The following AOAH variants were observed in gnomAD, a reference collection of about 807,000 sequenced individuals.
AOAH encodes acyloxyacyl hydrolase (neutrophil).
Under a neutral mutation model 92.2 loss-of-function variants are expected in AOAH, and 64 were observed. The ratio of observed to expected loss-of-function variants is 0.69; its 90% CI spans 0.57 to 0.86. The LOEUF (loss-of-function observed/expected upper bound fraction) is 0.86. Among genes scored for constraint, AOAH ranks in the 40% least tolerant of loss-of-function variants. AOAH has a pLI of 0.00. For missense variants in AOAH, 656 were observed against 694.6 expected, an observed-to-expected ratio of 0.94 and a Z score of 0.62; for synonymous variants, 263 against 254.5, an observed-to-expected ratio of 1.03 and a Z score of -0.32.
intron 16 of AOAH, among the ~76,000 whole-genome samples, chr7:36,539,858 C>A (rs1457034313): frequency 6.6e-6 from 1 of 152,116 alleles, no homozygotes; most frequent in African/African-American, 2.4e-5. Flanking sequence ...CATTTTAAAG[C>A]CTTTCGGAGC....
intron 6 of AOAH, among the ~76,000 whole-genome samples, chr7:36,626,589 A>G (rs1188971535): frequency 6.6e-6 from 1 of 152,202 alleles, no homozygotes; most frequent in Non-Finnish European, 1.5e-5. Context: ...CTGAACTGAT[A>G]TAGGGCAATT....
intron 13 of AOAH, among the ~76,000 whole-genome samples, chr7:36,564,429 T>C (rs924799383): frequency 2.0e-5 from 3 of 152,094 alleles, no homozygotes; most frequent in African/African-American, 4.8e-5. Context: ...TATTGCAATA[T>C]TGGAGAGAAA....
chr7:36,719,369 G>C (rs905438095), intron 1 of AOAH, among the ~76,000 whole-genome samples: 3 of 152,226 alleles, frequency 2.0e-5, no homozygotes, highest in African/African-American at 7.2e-5. Context: ...CCACGGAGAA[G>C]TGTTGGGGAG....
chr7:36,706,864 T>C lies in AOAH; in HGVS notation c.127+17158A>G, dbSNP rs147987937. Among the ~76,000 whole-genome samples, 81 of 152,262 alleles carry C rather than the reference T, an allele frequency of 5.3e-4. 1 individual carries two copies. The highest frequency in any genetic ancestry group is 1.9e-3 in the African/African-American group (77 of 41,576). On this transcript the variant is annotated intron_variant, in intron 1 of 20. Coordinates refer to ENST00000617537, the MANE Select transcript of AOAH (RefSeq NM_001637.4). ...GCTTCCTCACCTCTCCTAGCCTTCA[T>C]AGAATTGAAGAGAGCTAGGATTAGG... is the stretch of plus-strand genomic sequence containing the variant.
chr7:36,609,631 C>G (rs1316458615), intron 11 of AOAH, among the ~76,000 whole-genome samples: 1 of 150,666 alleles, frequency 6.6e-6, no homozygotes, highest in African/African-American at 2.5e-5. Flanking sequence ...AGCTCTGTTC[C>G]CCTGCTTTGA....
rs547297526 is a variant in AOAH, at chr7:36,554,922, G to A, written c.1022-5447C>T. Among the ~76,000 whole-genome samples, 541 of 144,110 alleles carry A rather than the reference G, an allele frequency of 3.8e-3. 3 individuals carry two copies. The highest frequency in any genetic ancestry group is 0.012 in the African/African-American group (457 of 38,564). 94.5% of individuals were successfully genotyped at this position (144,110 alleles called of 152,430 possible). A position where few individuals can be genotyped will look rare whatever the true frequency, so the allele number is the denominator to read the frequency against. On this transcript the variant is annotated intron_variant, in intron 13 of 20. Transcript: ENST00000617537. Reference sequence around the variant, plus strand: ...GGTTTTCTAGATATACAATCATGTCGTCTGCAAACAGGGACAATTTGACTT... The same window carrying A: ...GGTTTTCTAGATATACAATCATGTCATCTGCAAACAGGGACAATTTGACTT...
intron 6 of AOAH, among the ~76,000 whole-genome samples, chr7:36,625,247 C>A (rs1416296156): frequency 3.9e-5 from 6 of 152,172 alleles, no homozygotes. Context: ...CTTTTGAATT[C>A]AAGTGCTCTT....
chr7:36,636,851 CTAG>C (rs1793560142), intron 5 of AOAH, among the ~76,000 whole-genome samples: 1 of 152,164 alleles, frequency 6.6e-6, no homozygotes, highest in Admixed American at 6.5e-5. Flanking sequence ...TCTGGCAAGC[CTAG>C]CCATGAGGGA....
chr7:36,566,094 CTT>C (rs35521941), intron 13 of AOAH, among the ~76,000 whole-genome samples: 15 of 119,868 alleles, frequency 1.3e-4, no homozygotes, highest in Admixed American at 1.7e-4. Flanking sequence ...GTAATACTGG[CTT>C]TTTTTTTTTT....
At chr7:36,620,346 T>C (rs1792189435) in intron 9 of AOAH, among the ~76,000 whole-genome samples, 1 of 151,842 alleles carries the variant, frequency 6.6e-6, no homozygotes, top group Admixed American at 6.6e-5. Context: ...CGCCTCAAGG[T>C]GTGAGTGGTC....
intron 13 of AOAH, among the ~76,000 whole-genome samples, chr7:36,555,594 G>A (rs982021389): frequency 4.0e-5 from 6 of 151,820 alleles, no homozygotes; most frequent in Non-Finnish European, 5.9e-5. Context: ...GGTAGAATTC[G>A]GCTGTGAATC....
At position 36,513,342 on chromosome 7, in the gene AOAH, C is replaced by A. The variant is rs769544365; in HGVS notation, c.1638G>T (p.Lys546Asn). The A allele has an allele frequency of 5.0e-6, 8 of 1,614,072 alleles. No individual in the cohort carries two copies. In the South Asian group the frequency reaches 6.6e-5, roughly 13 times the overall value. Residue 546 changes from lysine (K) to asparagine (N), a missense_variant, in exon 21 of 21, where the codon AAG becomes AAT. By Grantham distance (94) the Lys-to-Asn change is moderately conservative. Coordinates refer to ENST00000617537, the MANE Select transcript of AOAH (RefSeq NM_001637.4). ...LLLLADHFWK[K>N]VQLQWPQILG... Reference sequence around the variant, plus strand: ...GGATTTGGGGCCACTGGAGCTGCACCTTTTTCCAGAAATGATCCGCCAACA... The same window carrying A: ...GGATTTGGGGCCACTGGAGCTGCACATTTTTCCAGAAATGATCCGCCAACA...
intron 2 of AOAH, among the ~76,000 whole-genome samples, chr7:36,677,427 GA>G (rs1361598532): frequency 6.6e-6 from 1 of 152,152 alleles, no homozygotes; most frequent in Non-Finnish European, 1.5e-5. Context: ...TAATAAAAGA[GA>G]GAATAATATG....
chr7:36,570,910 C>T (rs143517791), intron 13 of AOAH, among the ~76,000 whole-genome samples: 12 of 152,288 alleles, frequency 7.9e-5, no homozygotes, highest in African/African-American at 2.4e-4. Flanking sequence ...CCCTGCTATG[C>T]GAAGCAGAGG....
At chr7:36,619,298 G>A (rs908151285) in intron 9 of AOAH, among the ~76,000 whole-genome samples, 4 of 152,110 alleles carry the variant, frequency 2.6e-5, no homozygotes, top group African/African-American at 9.7e-5. Context: ...TCTGTGGAAG[G>A]GGATAGGTAT....
intron 4 of AOAH, among the ~76,000 whole-genome samples, chr7:36,644,325 GGTGTGCTTTTT>G (rs1794098372): frequency 2.6e-5 from 4 of 152,034 alleles, no homozygotes; most frequent in Admixed American, 2.0e-4. Context: ...GATGTTAAAC[GGTGTGCTTTTT>G]TTTTTTAAGT....
At chr7:36,617,571 G>A (rs1010146156) in intron 10 of AOAH, among the ~76,000 whole-genome samples, 5 of 152,216 alleles carry the variant, frequency 3.3e-5, no homozygotes, top group African/African-American at 1.2e-4. Context: ...TTGTTGTTCA[G>A]AAAATACCTG....
rs1791879947 is a variant in AOAH, at chr7:36,616,363, C to G, written c.846+17G>C. On this transcript the variant is annotated intron_variant, in intron 11 of 20. Coordinates refer to ENST00000617537, the MANE Select transcript of AOAH (RefSeq NM_001637.4). ...AAGGCCAGCACATCTGGAATGATTA[C>G]TGCCAAAATTACTTACCAAAGACAT... 3.7e-6 allele frequency: 6 copies of G among 1,600,268 alleles called. No homozygotes were observed. In the East Asian group the frequency reaches 1.1e-4, roughly 30 times the overall value.
At chr7:36,658,031 C>T (rs1454226904) in intron 4 of AOAH, among the ~76,000 whole-genome samples, 5 of 151,910 alleles carry the variant, frequency 3.3e-5, no homozygotes, top group Admixed American at 6.6e-5. Flanking sequence ...AATAGTCACA[C>T]GCTATTTGAA....
Sources: gnomAD v4.1 joint callset for allele counts (sites outside exome capture counted in the v4.1 genomes callset) on GRCh38, gnomAD v4.1.1 for gene constraint, MANE v1.5 for transcripts, NCBI Gene and HGNC (gene_info 2026-07-23, HGNC 2026-07-21) for gene names.